Variants in EMCN observed in about 807,000 individuals in gnomAD.
EMCN encodes MUC-14.
In EMCN, 37 loss-of-function variants were observed where a neutral mutation model predicts 38.4. The ratio of observed to expected loss-of-function variants is 0.96; its 90% CI spans 0.74 to 1.27. EMCN has a LOEUF of 1.27. EMCN is among the 50% of genes most tolerant of loss of function. The pLI is 0.00. For synonymous variants in EMCN, 95 were observed against 100.8 expected, an observed-to-expected ratio of 0.94 and a Z score of 0.35; for missense variants, 318 against 302.8, an observed-to-expected ratio of 1.05 and a Z score of -0.37.
chr4:100,410,748 T>C (rs946393340), intron 10 of EMCN, among the ~76,000 whole-genome samples: 1 of 152,132 alleles, frequency 6.6e-6, no homozygotes, highest in Admixed American at 6.5e-5. Flanking sequence ...CAGGAAGACA[T>C]TCTAGGGTCC....
At chr4:100,427,747 T>A (rs1727090156) in intron 5 of EMCN, among the ~76,000 whole-genome samples, 1 of 152,098 alleles carries the variant, frequency 6.6e-6, no homozygotes, top group African/African-American at 2.4e-5. Context: ...TCCCAGACCT[T>A]TTCCTAAGCT....
At chr4:100,512,079 G>A (rs1325355843) in intron 1 of EMCN, among the ~76,000 whole-genome samples, 2 of 152,164 alleles carry the variant, frequency 1.3e-5, no homozygotes, top group South Asian at 2.1e-4. Flanking sequence ...TGAGGCAAGC[G>A]GCTGTCAGGT....
intron 11 of EMCN, among the ~76,000 whole-genome samples, chr4:100,400,891 TACA>T (rs966878707): frequency 1.1e-4 from 16 of 152,284 alleles, no homozygotes; most frequent in African/African-American, 2.9e-4. Flanking sequence ...GCTTTTTTTT[TACA>T]ACATTATAAT....
At chr4:100,458,336 CA>C (rs1395114989) in intron 4 of EMCN, among the ~76,000 whole-genome samples, 1 of 151,862 alleles carries the variant, frequency 6.6e-6, no homozygotes, top group Admixed American at 6.6e-5. Flanking sequence ...AAAATATTTC[CA>C]AGGGCCTAGT....
intron 1 of EMCN, among the ~76,000 whole-genome samples, chr4:100,503,936 T>TA (rs766334533): frequency 5.9e-4 from 90 of 152,254 alleles, no homozygotes; most frequent in Admixed American, 2.0e-3. Context: ...ACTAAAGTTT[T>TA]AACCAGATAT....
chr4:100,458,895 T>A (rs1373616834), intron 4 of EMCN, among the ~76,000 whole-genome samples: 1 of 152,146 alleles, frequency 6.6e-6, no homozygotes, highest in Non-Finnish European at 1.5e-5. Context: ...TCTGTCTTGA[T>A]GGTAAAACCT....
At chr4:100,465,570 A>G (rs376572965) in intron 3 of EMCN, 31 bp from the exon 4 acceptor site, 2 of 1,179,354 alleles carry the variant, frequency 1.7e-6, no homozygotes, top group African/African-American at 3.1e-5. Flanking sequence ...CATCAGGAGT[A>G]TAACAAATCA....
intron 1 of EMCN, chr4:100,486,868 T>C: frequency 1.0e-6 from 1 of 985,470 alleles, no homozygotes; most frequent in African/African-American, 1.7e-5. Flanking sequence ...CACCCAGGTG[T>C]CTTGTTCAAA....
intron 1 of EMCN, chr4:100,487,060 T>C: frequency 5.1e-6 from 5 of 971,090 alleles, no homozygotes; most frequent in Non-Finnish European, 6.1e-6. Flanking sequence ...TTACATTTAA[T>C]ATTTATAAAT....
chr4:100,508,313 C>G (rs1560646301), intron 1 of EMCN, among the ~76,000 whole-genome samples: 1 of 152,166 alleles, frequency 6.6e-6, no homozygotes. Context: ...GCTGGCTTGT[C>G]ACACCAGTCA....
chr4:100,409,661 C>T (rs1413894707), intron 11 of EMCN, among the ~76,000 whole-genome samples: 1 of 152,144 alleles, frequency 6.6e-6, no homozygotes, highest in Non-Finnish European at 1.5e-5. Context: ...GGAAACCTGG[C>T]TGAAACTGAA....
intron 4 of EMCN, among the ~76,000 whole-genome samples, chr4:100,459,059 G>A (rs1728096340): frequency 1.3e-5 from 2 of 152,056 alleles, no homozygotes; most frequent in African/African-American, 2.4e-5. Flanking sequence ...TGGATGGCAA[G>A]TCTTCTTTGG....
intron 11 of EMCN, among the ~76,000 whole-genome samples, chr4:100,400,660 G>A (rs921171947): frequency 2.0e-5 from 3 of 152,072 alleles, no homozygotes; most frequent in African/African-American, 7.2e-5. Flanking sequence ...TTCAAGTGAA[G>A]TCAAGAGTTT....
At chr4:100,418,607 G>A (rs535187116) in intron 8 of EMCN, among the ~76,000 whole-genome samples, 14 of 151,086 alleles carry the variant, frequency 9.3e-5, no homozygotes, top group Non-Finnish European at 1.8e-4. Flanking sequence ...CAATTGTTTT[G>A]ATTTTTTAGC....
At chr4:100,439,286 C>A (rs1321868177) in intron 5 of EMCN, among the ~76,000 whole-genome samples, 1 of 151,820 alleles carries the variant, frequency 6.6e-6, no homozygotes, top group Non-Finnish European at 1.5e-5. Flanking sequence ...TCTTTGATCT[C>A]TTTATTTGTT....
intron 1 of EMCN, among the ~76,000 whole-genome samples, chr4:100,482,617 A>G (rs1209166565): frequency 1.3e-5 from 2 of 152,090 alleles, no homozygotes; most frequent in East Asian, 3.9e-4. Flanking sequence ...CTATGAAGGA[A>G]CATAGTGCGC....
intron 5 of EMCN, among the ~76,000 whole-genome samples, chr4:100,427,159 T>C (rs1323376058): frequency 1.3e-5 from 2 of 152,168 alleles, no homozygotes; most frequent in East Asian, 1.9e-4. Flanking sequence ...CTCTTCTTCT[T>C]ATCACGTTTT....
At chr4:100,448,455 G>A (rs993033884) in intron 4 of EMCN, among the ~76,000 whole-genome samples, 60 of 152,106 alleles carry the variant, frequency 3.9e-4, no homozygotes, top group Admixed American at 2.0e-3. Context: ...GGTTCAATAC[G>A]TGGTGCCATT....
chr4:100,472,091 A>G (rs357667), intron 3 of EMCN, among the ~76,000 whole-genome samples: 124,067 of 151,678 alleles, frequency 0.82, 52,148 homozygotes, highest in South Asian at 0.96. Context: ...TAGTTAAGCA[A>G]TAAAATAAAT....
Sources: allele counts gnomAD v4.1 joint callset (sites outside exome capture counted in the v4.1 genomes callset), GRCh38; gene constraint gnomAD v4.1.1; transcripts MANE v1.5; gene names NCBI Gene and HGNC (gene_info 2026-07-23, HGNC 2026-07-21).